Variants in RARS1 observed in about 807,000 individuals in gnomAD.
RARS1 encodes the protein arginyl-tRNA synthetase 1.
Under a neutral mutation model 78.7 loss-of-function variants are expected in RARS1, and 75 were observed. The ratio of observed to expected loss-of-function variants is 0.95; its 90% confidence interval spans 0.79 to 1.15. RARS1 has a LOEUF of 1.15. RARS1 is among the 50% of genes most tolerant of loss of function. The pLI, the probability that RARS1 is intolerant of heterozygous loss-of-function variation, is 0.00. For missense variants in RARS1, 787 were observed against 787.5 expected, an observed-to-expected ratio of 1.00 and a Z score of 0.01; for synonymous variants, 273 against 268.2, an observed-to-expected ratio of 1.02 and a Z score of -0.18.
Position 168,517,831 on chromosome 5 carries a change from G to A in RARS1, c.1642G>A (p.Ala548Thr). 2 of 1,601,494 alleles carry A rather than the reference G, an allele frequency of 1.2e-6. No individual in the cohort carries two copies. Among genetic ancestry groups the A allele is most frequent in the South Asian group, 2.2e-5 (2 of 90,854 alleles). Residue 548 changes from alanine to threonine, a missense_variant, in exon 14 of 15, where the codon GCC becomes ACC. Transcript: ENST00000231572. Reference sequence around the variant, plus strand: ...TTTTTTAAGGTCTATTGCACGTCTGGCCAATATTGATGAAGAAATGCTCCA... The same window carrying A: ...TTTTTTAAGGTCTATTGCACGTCTGACCAATATTGATGAAGAAATGCTCCA... The part of the protein sequence containing the change: ...FTRIRSIARL[A>T]NIDEEMLQKA...
rs1758146254 is a variant in RARS1, at chr5:168,494,632, T to C, written c.561T>C (p.Ala187=). The change falls in exon 5 of 15, where the codon GCT becomes GCC. Residue 187 remains alanine (A), a synonymous_variant. Coordinates refer to ENST00000231572, the MANE Select transcript of RARS1 (RefSeq NM_002887.4). ...TAGTGAATGGAGTTCAACTACCTGC[T>C]CTGGGAGAGAATAAAAAGGTATATG... ...SLLVNGVQLP[A]LGENKKVIVD... The C allele has an allele frequency of 6.3e-7, 1 of 1,594,510 alleles. No individual in the cohort carries two copies. The highest frequency in any genetic ancestry group is 8.6e-7 in the Non-Finnish European group (1 of 1,162,460).
At chr5:168,499,690 A>T (rs778760924) in intron 7 of RARS1, among the ~76,000 whole-genome samples, 7 of 150,414 alleles carry the variant, frequency 4.7e-5, no homozygotes, top group Non-Finnish European at 8.9e-5. Flanking sequence ...ATAAATTGTT[A>T]AAATTTACAA....
intron 3 of RARS1, 171 bp downstream of exon 3, chr5:168,493,018 A>G: frequency 1.8e-6 from 1 of 569,740 alleles, no homozygotes; most frequent in Non-Finnish European, 3.0e-6. Flanking sequence ...TAACTTTTTT[A>G]GGCACAATTT....
At chr5:168,512,557 C>T (rs1236032712) in intron 12 of RARS1, among the ~76,000 whole-genome samples, 1 of 152,110 alleles carries the variant, frequency 6.6e-6, no homozygotes, top group Non-Finnish European at 1.5e-5. Context: ...TAAGTATTAA[C>T]TTACACGATA....
chr5:168,509,791 G>A (rs1468931061), intron 11 of RARS1, among the ~76,000 whole-genome samples: 2 of 151,882 alleles, frequency 1.3e-5, no homozygotes, highest in Non-Finnish European at 2.9e-5. Flanking sequence ...GCAACATAGT[G>A]AGAGACACCA....
At chr5:168,492,636 A>G in intron 2 of RARS1, 23 bp from the exon 3 acceptor site, 1 of 1,535,592 alleles carries the variant, frequency 6.5e-7, no homozygotes, top group South Asian at 1.1e-5. Context: ...CATTATTGAC[A>G]TGTTTCCATT....
At chr5:168,512,121 G>A (rs577955787) in intron 12 of RARS1, among the ~76,000 whole-genome samples, 2 of 151,216 alleles carry the variant, frequency 1.3e-5, no homozygotes, top group South Asian at 4.1e-4. Flanking sequence ...AAAGTGCTAG[G>A]ATTACAGGCA....
Position 168,519,251 on chromosome 5 carries a change from T to G in RARS1, c.*61T>G. 1 of 1,323,700 alleles carries G rather than the reference T, an allele frequency of 7.6e-7. No individual in the cohort carries two copies. Among genetic ancestry groups the G allele is most frequent in the African/African-American group, 1.5e-5 (1 of 68,590 alleles). 82.0% of individuals were successfully genotyped at this position (1,323,700 alleles called of 1,614,324 possible). Reference sequence around the variant, plus strand: ...AAGTGGCCATTGGCACTGTTTGCTTTTTTACAATCATGTGGACACAAGCAT... The same window carrying G: ...AAGTGGCCATTGGCACTGTTTGCTTGTTTACAATCATGTGGACACAAGCAT... On this transcript the variant is annotated 3_prime_UTR_variant, in exon 15 of 15. Transcript: ENST00000231572.
intron 12 of RARS1, 116 bp from the exon 13 acceptor site, chr5:168,516,662 G>A: frequency 1.0e-6 from 1 of 996,868 alleles, no homozygotes; most frequent in Non-Finnish European, 1.5e-6. Context: ...GTTTATTAAA[G>A]TTTATTGGTA....
At chr5:168,504,300 C>T (rs189369508) in intron 9 of RARS1, among the ~76,000 whole-genome samples, 43 of 151,706 alleles carry the variant, frequency 2.8e-4, no homozygotes, top group Non-Finnish European at 3.1e-4. Flanking sequence ...CCAAGGTGAG[C>T]GAATCACGAG....
intron 12 of RARS1, among the ~76,000 whole-genome samples, chr5:168,516,520 G>T (rs182910735): frequency 7.9e-4 from 121 of 152,254 alleles, no homozygotes; most frequent in Non-Finnish European, 1.5e-3. Flanking sequence ...CTGGAAAAAG[G>T]TATTCATGCT....
At chr5:168,494,195 T>C in intron 4 of RARS1, 193 bp downstream of exon 4, 2 of 960,798 alleles carry the variant, frequency 2.1e-6, no homozygotes, top group Non-Finnish European at 2.5e-6. Context: ...TGCCTTATCT[T>C]GAATGAGTTA....
At chr5:168,507,140 A>G (rs560834766) in intron 11 of RARS1, among the ~76,000 whole-genome samples, 2 of 152,344 alleles carry the variant, frequency 1.3e-5, no homozygotes, top group African/African-American at 4.8e-5. Flanking sequence ...CAGATTTCAG[A>G]CACTATTCAA....
intron 6 of RARS1, among the ~76,000 whole-genome samples, chr5:168,496,129 C>T (rs1394135709): frequency 1.3e-5 from 2 of 152,008 alleles, no homozygotes; most frequent in Non-Finnish European, 2.9e-5. Flanking sequence ...GTCTGTAAAC[C>T]CAGCACTTTG....
At chr5:168,509,631 T>C (rs1212848447) in intron 11 of RARS1, among the ~76,000 whole-genome samples, 1 of 151,010 alleles carries the variant, frequency 6.6e-6, no homozygotes, top group Non-Finnish European at 1.5e-5. Context: ...GGCCCTAGCA[T>C]CCTGAGGTTT....
In RARS1 at chr5:168,519,281, A is replaced by G; in HGVS notation, c.*91A>G. 1 of 977,648 alleles carries G rather than the reference A, an allele frequency of 1.0e-6. No individual in the cohort carries two copies. Among genetic ancestry groups the G allele is most frequent in the Non-Finnish European group, 1.5e-6 (1 of 657,200 alleles). The allele number at this position is 977,648 out of a possible 1,614,324, so 60.6% of individuals were successfully genotyped here. On this transcript the variant is annotated 3_prime_UTR_variant, in exon 15 of 15. Coordinates refer to ENST00000231572, the MANE Select transcript of RARS1 (RefSeq NM_002887.4). ...CAATCATGTGGACACAAGCATAAGT[A>G]AAGAAAATTTGTCAACCAGGCAAAA...
At position 168,519,174 on chromosome 5, in the gene RARS1, C is replaced by T. The variant is rs1215704665; in HGVS notation, c.1967C>T (p.Pro656Leu). ...GGGTTTGATATCCTGGGAATAAAAC[C>T]TGTCCAAAGGATGTAATCCTTCATA... Reference protein sequence around the residue: ...AKGFDILGIKPVQRM With the variant: ...AKGFDILGIKLVQRM The change falls in exon 15 of 15, where the codon CCT becomes CTT. Residue 656 changes from proline (P) to leucine (L), a missense_variant. By Grantham distance (98) the Pro-to-Leu change is moderately conservative. Coordinates refer to ENST00000231572, the MANE Select transcript of RARS1 (RefSeq NM_002887.4). 1.2e-6 allele frequency: 2 copies of T among 1,613,056 alleles called. No individual in the cohort carries two copies. Among genetic ancestry groups the T allele is most frequent in the East Asian group, 2.2e-5 (1 of 44,842 alleles).
intron 6 of RARS1, among the ~76,000 whole-genome samples, chr5:168,496,155 A>T (rs1029643504): frequency 6.6e-6 from 1 of 151,918 alleles, no homozygotes; most frequent in South Asian, 2.1e-4. Context: ...CCAAGGAAGG[A>T]TGGATCACGA....
At chr5:168,499,651 TC>T (rs1758275490) in intron 7 of RARS1, among the ~76,000 whole-genome samples, 1 of 152,112 alleles carries the variant, frequency 6.6e-6, no homozygotes, top group Non-Finnish European at 1.5e-5. Flanking sequence ...ATGAAGCAGA[TC>T]TATTAATGCA....
Sources: allele counts gnomAD v4.1 joint callset (sites outside exome capture counted in the v4.1 genomes callset), GRCh38; gene constraint gnomAD v4.1.1; transcripts MANE v1.5; gene names NCBI Gene and HGNC (gene_info 2026-07-23, HGNC 2026-07-21).